Variants in TBCK observed in about 807,000 individuals in gnomAD.
TBCK encodes the protein TBC1 domain containing kinase.
TBCK carries 99 observed loss-of-function variants against 113.4 expected under a neutral mutation model. That is an observed-to-expected ratio of 0.87 (90% CI 0.74 to 1.03). TBCK has a LOEUF of 1.03. TBCK is among the 50% of genes least tolerant of loss of function. TBCK has a pLI of 0.00. For missense variants in TBCK, 1,045 were observed against 1,061.3 expected, an observed-to-expected ratio of 0.98 and a Z score of 0.21; for synonymous variants, 369 against 370.8, an observed-to-expected ratio of 1.00 and a Z score of 0.05.
chr4:106,231,849 A>C (rs1758891135), intron 17 of TBCK, 70 bp from the exon 18 acceptor site: 1 of 1,345,378 alleles, frequency 7.4e-7, no homozygotes, highest in Non-Finnish European at 1.0e-6. Flanking sequence ...TATATACCTT[A>C]TTCAATTCTT....
At chr4:106,166,929 GT>G (rs574840873) in intron 23 of TBCK, among the ~76,000 whole-genome samples, 2 of 150,666 alleles carry the variant, frequency 1.3e-5, no homozygotes, top group Non-Finnish European at 3.0e-5. Context: ...TATAAAAAAC[GT>G]CAAACTTAAA....
At position 106,262,232 on chromosome 4, in the gene TBCK, T is replaced by A; in HGVS notation, c.267-20A>T. On this transcript the variant is annotated intron_variant, in intron 3 of 25. Transcript: ENST00000394708. The stretch of plus-strand genomic sequence containing the variant: ...GAACAGCTACAAAGAAAACAAAAAG[T>A]CAAAGATCAATTACAAAGCAAATAA... 7.2e-7 allele frequency: 1 copy of A among 1,381,512 alleles called. No individual in the cohort carries two copies. The highest frequency in any genetic ancestry group is 1.0e-6 in the Non-Finnish European group (1 of 1,002,072). 85.6% of individuals were successfully genotyped at this position (1,381,512 alleles called of 1,614,324 possible).
intron 3 of TBCK, among the ~76,000 whole-genome samples, chr4:106,265,905 G>A (rs1236814680): frequency 6.6e-6 from 1 of 151,650 alleles, no homozygotes; most frequent in East Asian, 1.9e-4. Flanking sequence ...GAAGCAATGA[G>A]GGTTACTATT....
chr4:106,102,601 A>G (rs1285857979), intron 24 of TBCK, among the ~76,000 whole-genome samples: 1 of 152,098 alleles, frequency 6.6e-6, no homozygotes, highest in Admixed American at 6.6e-5. Flanking sequence ...AAAAAAGACG[A>G]GATGAAATAT....
chr4:106,053,879 C>A (rs1296929256), intron 25 of TBCK, among the ~76,000 whole-genome samples: 1 of 151,550 alleles, frequency 6.6e-6, no homozygotes, highest in Non-Finnish European at 1.5e-5. Context: ...TTTTTCTTTA[C>A]CAATGTATCC....
intron 19 of TBCK, among the ~76,000 whole-genome samples, chr4:106,226,783 T>C (rs1172998609): frequency 6.6e-6 from 1 of 152,188 alleles, no homozygotes. Flanking sequence ...CCACTCATTT[T>C]TCTATTAACT....
At chr4:106,248,420 C>T (rs975713893) in intron 8 of TBCK, 114 bp from the exon 9 acceptor site, 2 of 737,416 alleles carry the variant, frequency 2.7e-6, no homozygotes, top group East Asian at 3.1e-5. Context: ...TTTATTTGTA[C>T]TTTATACAAA....
At chr4:106,182,073 A>C (rs554215120) in intron 22 of TBCK, among the ~76,000 whole-genome samples, 5 of 152,036 alleles carry the variant, frequency 3.3e-5, no homozygotes, top group Non-Finnish European at 7.4e-5. Flanking sequence ...CTCTTTGAAG[A>C]GGTCCTTCAC....
At chr4:106,116,406 T>C (rs1743513147) in intron 23 of TBCK, 28 bp from the exon 24 acceptor site, 2 of 1,556,708 alleles carry the variant, frequency 1.3e-6, no homozygotes, top group East Asian at 2.3e-5. Flanking sequence ...CAAAAAAAAA[T>C]ATTGAGAATA....
rs1734176855 is a variant in TBCK, at chr4:106,045,895, T to A, written c.*675A>T. The A allele has an allele frequency of 6.6e-6, 1 of 152,214 alleles. No individual in the cohort carries two copies. Among genetic ancestry groups the A allele is most frequent in the Non-Finnish European group, 1.5e-5 (1 of 68,054 alleles). 9.4% of individuals were successfully genotyped at this position (152,214 alleles called of 1,614,324 possible). ...CTAGCCCTGGACTGACTGTACAGAC[T>A]TTCATGTGATAAAGAAACTAGAAAA... On this transcript the variant is annotated 3_prime_UTR_variant, in exon 26 of 26. Transcript: ENST00000394708.
chr4:106,265,038 A>C (rs573601321), intron 3 of TBCK, among the ~76,000 whole-genome samples: 1 of 151,982 alleles, frequency 6.6e-6, no homozygotes, highest in Non-Finnish European at 1.5e-5. Context: ...CTAGAGTTAT[A>C]ATATTTCAGC....
chr4:106,095,763 T>A, intron 24 of TBCK, 122 bp from the exon 25 acceptor site: 1 of 772,334 alleles, frequency 1.3e-6, no homozygotes, highest in Non-Finnish European at 1.9e-6. Flanking sequence ...TATGTGAGTA[T>A]TTTATCTAAA....
intron 23 of TBCK, among the ~76,000 whole-genome samples, chr4:106,132,773 G>T (rs1379673775): frequency 6.6e-6 from 1 of 152,200 alleles, no homozygotes; most frequent in Non-Finnish European, 1.5e-5. Flanking sequence ...ATGTGACCTG[G>T]ATGTAAGACA....
intron 20 of TBCK, among the ~76,000 whole-genome samples, chr4:106,208,247 A>AT (rs1316940783): frequency 6.6e-6 from 1 of 152,196 alleles, no homozygotes; most frequent in Non-Finnish European, 1.5e-5. Context: ...TTAAGGTCTG[A>AT]AAACCAAGAT....
At chr4:106,192,239 T>G (rs1320452111) in intron 22 of TBCK, among the ~76,000 whole-genome samples, 1 of 152,108 alleles carries the variant, frequency 6.6e-6, no homozygotes, top group African/African-American at 2.4e-5. Context: ...TGTATTGAAT[T>G]GGAAAGGCAA....
At chr4:106,097,296 C>A (rs1288229321) in intron 24 of TBCK, among the ~76,000 whole-genome samples, 1 of 152,082 alleles carries the variant, frequency 6.6e-6, no homozygotes, top group Non-Finnish European at 1.5e-5. Flanking sequence ...ACAAAAGAAA[C>A]AGAGTTTTAA....
chr4:106,309,013 A>G (rs1353129038), intron 1 of TBCK, 24 bp from the exon 2 acceptor site: 107 of 1,488,236 alleles, frequency 7.2e-5, no homozygotes, highest in Non-Finnish European at 9.3e-5. Flanking sequence ...GAATTTTAGG[A>G]CAGACCAAAC....
chr4:106,069,673 C>A (rs558355899), intron 25 of TBCK, among the ~76,000 whole-genome samples: 1 of 152,136 alleles, frequency 6.6e-6, no homozygotes. Context: ...TTTTTCCATT[C>A]TGTGAAGAAA....
chr4:106,270,155 G>A (rs937555105), intron 3 of TBCK, among the ~76,000 whole-genome samples: 1 of 152,076 alleles, frequency 6.6e-6, no homozygotes, highest in African/African-American at 2.4e-5. Flanking sequence ...AATATATTTT[G>A]TTATATCATA....
Sources: gnomAD v4.1 joint callset for allele counts (sites outside exome capture counted in the v4.1 genomes callset) on GRCh38, gnomAD v4.1.1 for gene constraint, MANE v1.5 for transcripts, NCBI Gene and HGNC (gene_info 2026-07-23, HGNC 2026-07-21) for gene names.